The following ATG7 variants were observed in gnomAD, a reference collection of about 807,000 sequenced individuals.
ATG7 encodes ubiquitin-like modifier-activating enzyme ATG7.
ATG7 carries 70 observed loss-of-function variants against 82.4 expected under a neutral mutation model. The observed-to-expected ratio is 0.85, with a 90% CI of 0.70 to 1.04. The LOEUF is 1.04. ATG7 is among the 50% of genes least tolerant of loss of function. ATG7 has a pLI of 0.00. For missense variants in ATG7, 792 were observed against 864.3 expected (o/e 0.92, Z 1.05); for synonymous variants, 287 against 313.0 (o/e 0.92, Z 0.88).
At chr3:11,435,689 T>A (rs945775804) in intron 20 of ATG7, among the ~76,000 whole-genome samples, 1 of 152,188 alleles carries the variant, frequency 6.6e-6, no homozygotes, top group African/African-American at 2.4e-5. Context: ...GCAGCAGTCA[T>A]GTGAGACCTT....
At chr3:11,395,857 G>A (rs992198165) in intron 19 of ATG7, among the ~76,000 whole-genome samples, 1 of 149,826 alleles carries the variant, frequency 6.7e-6, no homozygotes, top group African/African-American at 2.5e-5. Flanking sequence ...GGAGAATGGC[G>A]TGAACCGAGG....
chr3:11,378,977 G>C (rs970665760), intron 18 of ATG7, among the ~76,000 whole-genome samples: 46 of 152,182 alleles, frequency 3.0e-4, no homozygotes, highest in African/African-American at 1.1e-3. Flanking sequence ...AGAAGACCTA[G>C]TGTTGAAGAC....
chr3:11,344,125 AAT>A (rs149706433), intron 13 of ATG7, among the ~76,000 whole-genome samples: 6,995 of 152,184 alleles, frequency 0.046, 208 homozygotes, highest in African/African-American at 0.079. Context: ...ATGTAGGAAA[AAT>A]AGTGAATTTT....
At chr3:11,505,061 CTA>C (rs1192641473) in intron 20 of ATG7, among the ~76,000 whole-genome samples, 2 of 152,126 alleles carry the variant, frequency 1.3e-5, no homozygotes, top group Non-Finnish European at 2.9e-5. Flanking sequence ...ACAGAGGTAA[CTA>C]AAAGTATCAG....
chr3:11,298,762 G>T lies in ATG7; in HGVS notation c.67G>T (p.Asp23Tyr), dbSNP rs1946338881. 1 of 1,614,208 alleles carries T rather than the reference G, an allele frequency of 6.2e-7. No homozygotes were observed. The highest frequency in any genetic ancestry group is 8.5e-7 in the Non-Finnish European group (1 of 1,180,024). Residue 23 changes from aspartate to tyrosine, a missense_variant, in exon 4 of 21, where the codon GAT becomes TAT. By Grantham distance (160) the Asp-to-Tyr change is radical (BLOSUM62 -3). Transcript: ENST00000693202. ...GTTTGCCCCTTTTAGTAGTGCCTTG[G>T]ATGTTGGGTTTTGGCATGAGTTGAC... ...LQFAPFSSAL[D>Y]VGFWHELTQK... is the part of the protein sequence containing the mutation.
At chr3:11,338,357 A>G (rs1487521339) in intron 11 of ATG7, among the ~76,000 whole-genome samples, 1 of 152,152 alleles carries the variant, frequency 6.6e-6, no homozygotes, top group Non-Finnish European at 1.5e-5. Context: ...CCAGTCTGTC[A>G]TTGATGGGCA....
At chr3:11,526,487 T>C (rs9876898) in intron 20 of ATG7, among the ~76,000 whole-genome samples, 42,782 of 152,146 alleles carry the variant, frequency 0.28, 7,066 homozygotes, top group African/African-American at 0.46. Flanking sequence ...AAGATGCTAA[T>C]TTATAAGCAA....
At chr3:11,293,374 A>T (rs1945273744) in intron 3 of ATG7, among the ~76,000 whole-genome samples, 2 of 151,712 alleles carry the variant, frequency 1.3e-5, no homozygotes, top group African/African-American at 4.8e-5. Flanking sequence ...TCCCAAAAAT[A>T]TAAAAAATTA....
chr3:11,314,300 A>C (rs988704654), intron 8 of ATG7, among the ~76,000 whole-genome samples: 4 of 152,226 alleles, frequency 2.6e-5, no homozygotes, highest in African/African-American at 9.7e-5. Flanking sequence ...TTATGTGTCA[A>C]GATGATTTGA....
intron 20 of ATG7, among the ~76,000 whole-genome samples, chr3:11,496,538 G>A (rs529604508): frequency 1.3e-4 from 20 of 152,260 alleles, no homozygotes; most frequent in African/African-American, 4.6e-4. Flanking sequence ...TTGTGTCCTC[G>A]CTGGACCAGT....
At chr3:11,372,240 C>T (rs888093613) in intron 18 of ATG7, among the ~76,000 whole-genome samples, 1 of 151,032 alleles carries the variant, frequency 6.6e-6, no homozygotes, top group Non-Finnish European at 1.5e-5. Context: ...CTGTGATTCC[C>T]AGGTGGGTTT....
intron 18 of ATG7, among the ~76,000 whole-genome samples, chr3:11,371,968 A>G (rs2077026919): frequency 6.6e-6 from 1 of 151,320 alleles, no homozygotes. Flanking sequence ...ACAGCCCGGG[A>G]GCGAGGCCAA....
At chr3:11,443,499 A>G (rs1008667480) in intron 20 of ATG7, among the ~76,000 whole-genome samples, 2 of 151,928 alleles carry the variant, frequency 1.3e-5, no homozygotes, top group African/African-American at 2.4e-5. Flanking sequence ...GATCCTCCCA[A>G]CCTCATCCTC....
chr3:11,551,595 T>A (rs1382056804), intron 20 of ATG7, among the ~76,000 whole-genome samples: 1 of 152,170 alleles, frequency 6.6e-6, no homozygotes. Context: ...TAATTTTTTT[T>A]AAAGTTTTTA....
At chr3:11,558,390 C>CAAGT (rs1428045483), downstream of ATG7, 10 of 1,166,446 alleles carry the variant, frequency 8.6e-6, no homozygotes, top group Admixed American at 1.4e-4. Flanking sequence ...GGATACCAAG[C>CAAGT]AAGTACAAAA....
At chr3:11,432,571 G>A (rs1285440995) in intron 20 of ATG7, among the ~76,000 whole-genome samples, 4 of 151,872 alleles carry the variant, frequency 2.6e-5, no homozygotes, top group Admixed American at 2.0e-4. Context: ...GTGACAAGTG[G>A]ACTAAAATCT....
At position 11,364,736 on chromosome 3, in the gene ATG7, T is replaced by A; in HGVS notation, c.1875+2T>A. 6.2e-7 allele frequency: 1 copy of A among 1,613,982 alleles called. No homozygotes were observed. Among genetic ancestry groups the A allele is most frequent in the East Asian group, 2.2e-5 (1 of 44,882 alleles). On this transcript the variant is annotated splice_donor_variant, in intron 18 of 20. Coordinates refer to ENST00000693202, the MANE Select transcript of ATG7 (RefSeq NM_001349232.2). LOFTEE classifies it high-confidence loss of function. ...TCTCTTGGGCTTGTGCCTCACCAGG[T>A]TAGTGATGTGGAAGTGAAATCACAA...
intron 20 of ATG7, among the ~76,000 whole-genome samples, chr3:11,551,870 T>G (rs2071827811): frequency 6.6e-6 from 1 of 152,140 alleles, no homozygotes; most frequent in Non-Finnish European, 1.5e-5. Flanking sequence ...TGCCTCAGCC[T>G]CCCAAGTAGC....
At chr3:11,277,316 G>A (rs1942022215) in intron 1 of ATG7, 1 of 152,252 alleles carries the variant, frequency 6.6e-6, no homozygotes, top group Non-Finnish European at 1.5e-5. Flanking sequence ...TCATGATATG[G>A]CCTTTGCCTG....
Sources: allele counts gnomAD v4.1 joint callset (sites outside exome capture counted in the v4.1 genomes callset), GRCh38; gene constraint gnomAD v4.1.1; transcripts MANE v1.5; gene names NCBI Gene and HGNC (gene_info 2026-07-23, HGNC 2026-07-21).